Variants in TENM1 observed in about 807,000 individuals in gnomAD.
The protein encoded by TENM1 is teneurin transmembrane protein 1.
TENM1 carries 35 observed loss-of-function variants against 174.8 expected under a neutral mutation model. That is an observed-to-expected ratio of 0.20 (90% CI 0.15 to 0.27). The LOEUF (loss-of-function observed/expected upper bound fraction) is 0.27, where lower values mean the gene tolerates loss of function less well. TENM1 is among the 10% of genes least tolerant of loss of function. The pLI is 1.00. For missense variants in TENM1, 1,633 were observed against 2,130.1 expected (o/e 0.77, Z 4.59); for synonymous variants, 781 against 798.7 (o/e 0.98, Z 0.37).
At chrX:124,983,836 G>T in the TENM1 span, among the ~76,000 whole-genome samples, 4 of 110,514 alleles carry the variant, frequency 3.6e-5, no homozygotes, top group Admixed American at 3.9e-4. Flanking sequence ...TGGCCAGGCT[G>T]GTCTCGAACT....
At chrX:124,678,290 C>T (rs775211332) in intron 5 of TENM1, among the ~76,000 whole-genome samples, 1 of 111,055 alleles carries the variant, frequency 9.0e-6, no homozygotes, top group African/African-American at 3.3e-5. Flanking sequence ...TATTGTAGAA[C>T]AATGCATATT....
intron 3 of TENM1, among the ~76,000 whole-genome samples, chrX:124,866,185 CA>C (rs1188301732): frequency 8.9e-6 from 1 of 112,040 alleles, no homozygotes; most frequent in Non-Finnish European, 1.9e-5. Context: ...CAGAACATTT[CA>C]TCCAAGAGCT....
chrX:124,626,828 A>C (rs1301415799), intron 11 of TENM1, among the ~76,000 whole-genome samples: 1 of 111,564 alleles, frequency 9.0e-6, no homozygotes, highest in Non-Finnish European at 1.9e-5. Context: ...CACACAAATA[A>C]AAATGTATTT....
chrX:124,777,863 T>C (rs1433630474), intron 3 of TENM1, among the ~76,000 whole-genome samples: 1 of 112,795 alleles, frequency 8.9e-6, no homozygotes, highest in African/African-American at 3.2e-5. Flanking sequence ...GTAAATACTT[T>C]AGGCTTTGCA....
At chrX:124,437,509 T>C (rs1313711916) in intron 23 of TENM1, among the ~76,000 whole-genome samples, 1 of 111,319 alleles carries the variant, frequency 9.0e-6, no homozygotes, top group Non-Finnish European at 1.9e-5. Context: ...CATTATTCTC[T>C]AGAAACTTCT....
At chrX:124,424,870 G>A (rs2060693595) in intron 23 of TENM1, among the ~76,000 whole-genome samples, 1 of 110,551 alleles carries the variant, frequency 9.0e-6, no homozygotes, top group Admixed American at 9.6e-5. Flanking sequence ...CTTCACCTTG[G>A]CTATGACTGT....
Position 124,737,063 on chromosome X carries a change from G to T in TENM1, c.670C>A (p.Arg224Ser), listed in dbSNP as rs201403053. 6.3e-5 allele frequency: 76 copies of T among 1,209,560 alleles called. 2 individuals carry two copies. In the Admixed American group the frequency reaches 1.3e-3, roughly 20 times the overall value. The stretch of plus-strand genomic sequence containing the variant: ...GGAGCAGCTGGGCTGGGCTGGCTGC[G>T]GGTAGTCATTGATCTCCTCTGAAGA... Residue 224 changes from arginine (R) to serine (S), a missense_variant, in exon 4 of 32, where the codon CGC (arginine) becomes AGC (serine). Physicochemically the swap from Arg to Ser is moderately radical, Grantham distance 110. This residue lies in a region of TENM1 where 305 missense variants were observed against 309.2 expected (regional missense o/e 0.99). Transcript: ENST00000422452.
chrX:124,639,744 T>C (rs1602873057), intron 11 of TENM1, among the ~76,000 whole-genome samples: 1 of 111,604 alleles, frequency 9.0e-6, no homozygotes, highest in African/African-American at 3.3e-5. Context: ...AATTATTATG[T>C]GTTTGCTACA....
At chrX:124,598,355 C>T (rs192553287) in intron 11 of TENM1, among the ~76,000 whole-genome samples, 1 of 111,335 alleles carries the variant, frequency 9.0e-6, no homozygotes, top group Admixed American at 9.6e-5. Flanking sequence ...AAAAATGGAG[C>T]TACCATATGA....
chrX:124,904,572 T>C (rs913337915), intron 1 of TENM1, among the ~76,000 whole-genome samples: 1 of 112,473 alleles, frequency 8.9e-6, no homozygotes, highest in Non-Finnish European at 1.9e-5. Context: ...AAATAACAGA[T>C]GTTCCACAAA....
chrX:124,779,061 TGA>T (rs1468750588), intron 3 of TENM1, among the ~76,000 whole-genome samples: 1 of 111,491 alleles, frequency 9.0e-6, no homozygotes, highest in Non-Finnish European at 1.9e-5. Flanking sequence ...TAGAGGATAA[TGA>T]AAATCAACAG....
At chrX:124,754,403 G>A (rs747025424) in intron 3 of TENM1, among the ~76,000 whole-genome samples, 38 of 111,078 alleles carry the variant, frequency 3.4e-4, no homozygotes, top group Middle Eastern at 4.7e-3. Context: ...TCTTGCTAGC[G>A]GTCTATCAAT....
intron 3 of TENM1, among the ~76,000 whole-genome samples, chrX:124,808,689 C>T (rs1307305790): frequency 9.0e-6 from 1 of 111,538 alleles, no homozygotes; most frequent in Non-Finnish European, 1.9e-5. Flanking sequence ...GCAAAATTCA[C>T]AAATACATGG....
intron 14 of TENM1, among the ~76,000 whole-genome samples, chrX:124,549,078 C>G (rs2048498598): frequency 8.9e-6 from 1 of 111,815 alleles, no homozygotes; most frequent in Non-Finnish European, 1.9e-5. Context: ...TCTGCTTCCC[C>G]TTTTCCCATC....
At chrX:124,879,836 A>AT (rs1357638033) in intron 3 of TENM1, among the ~76,000 whole-genome samples, 2 of 111,361 alleles carry the variant, frequency 1.8e-5, no homozygotes, top group Non-Finnish European at 3.8e-5. Flanking sequence ...ATTATATTTC[A>AT]TTTTGATTTG....
chrX:124,449,897 G>A (rs2061009868), intron 23 of TENM1, among the ~76,000 whole-genome samples: 1 of 111,363 alleles, frequency 9.0e-6, no homozygotes, highest in African/African-American at 3.3e-5. Context: ...AGAGTTGTAT[G>A]CTCAAGGTGG....
At chrX:124,949,738 G>A (rs2058454008) in intron 1 of TENM1, among the ~76,000 whole-genome samples, 1 of 111,901 alleles carries the variant, frequency 8.9e-6, no homozygotes, top group African/African-American at 3.2e-5. Flanking sequence ...AGTCAGAGAT[G>A]AGAGCTGGTG....
At chrX:124,453,725 T>C (rs1467491880) in intron 22 of TENM1, among the ~76,000 whole-genome samples, 2 of 111,676 alleles carry the variant, frequency 1.8e-5, no homozygotes, top group Admixed American at 9.5e-5. Context: ...CCAGGTCTAA[T>C]AATTTTGTCC....
chrX:124,700,741 G>C (rs1301179273), intron 5 of TENM1, among the ~76,000 whole-genome samples: 1 of 111,539 alleles, frequency 9.0e-6, no homozygotes, highest in African/African-American at 3.3e-5. Context: ...TCCAAAGTCA[G>C]CACATGCCAC....
Sources: allele counts gnomAD v4.1 joint callset (sites outside exome capture counted in the v4.1 genomes callset), GRCh38; gene constraint gnomAD v4.1.1; regional missense constraint gnomAD v4.1.1; transcripts MANE v1.5; gene names NCBI Gene and HGNC (gene_info 2026-07-23, HGNC 2026-07-21).